Variants in FMNL2 observed in about 807,000 individuals in gnomAD.
FMNL2 encodes the protein formin like 2.
In FMNL2, 51 loss-of-function variants were observed where a neutral mutation model predicts 130.2. The ratio of observed to expected loss-of-function variants is 0.39; its 90% confidence interval spans 0.31 to 0.49. The LOEUF is 0.49. Among genes scored for constraint, FMNL2 ranks in the 20% least tolerant of loss-of-function variants. The pLI is 0.85. For missense variants in FMNL2, 977 were observed against 1,316.2 expected, an observed-to-expected ratio of 0.74 and a Z score of 3.99; for synonymous variants, 465 against 467.1, an observed-to-expected ratio of 1.00 and a Z score of 0.06.
chr2:152,600,829 G>T (rs187047390), intron 9 of FMNL2, among the ~76,000 whole-genome samples: 32 of 152,074 alleles, frequency 2.1e-4, no homozygotes, highest in African/African-American at 7.7e-4. Flanking sequence ...ATCTGTGCAG[G>T]GTATGGGATT....
intron 2 of FMNL2, among the ~76,000 whole-genome samples, chr2:152,535,730 A>G (rs928556394): frequency 3.9e-5 from 6 of 152,356 alleles, no homozygotes; most frequent in Admixed American, 6.5e-5. Context: ...CCCTCTAAAT[A>G]GTAGCCCAGC....
At chr2:152,589,272 A>G (rs1289353747) in intron 9 of FMNL2, among the ~76,000 whole-genome samples, 1 of 152,124 alleles carries the variant, frequency 6.6e-6, no homozygotes, top group Non-Finnish European at 1.5e-5. Context: ...TGCAATAGGG[A>G]ACCTCATCCT....
In FMNL2 at chr2:152,396,165, C is replaced by T. The variant is rs114198356; in HGVS notation, c.117+60445C>T. ...TCTCCTTTATTTTAGTGTCTTAGAA[C>T]TCAGCTAAGCATTTGAACAGTCATT... On this transcript the variant is annotated intron_variant, in intron 1 of 25. Transcript: ENST00000288670. 2.6e-3 allele frequency among the ~76,000 whole-genome samples: 390 copies of T among 152,264 alleles called. 1 individual carries two copies. Among genetic ancestry groups the T allele is most frequent in the African/African-American group, 9.1e-3 (380 of 41,536 alleles).
chr2:152,353,982 C>T (rs1355311703), intron 1 of FMNL2, among the ~76,000 whole-genome samples: 1 of 152,182 alleles, frequency 6.6e-6, no homozygotes, highest in Non-Finnish European at 1.5e-5. Context: ...TACTGACCTT[C>T]TGTGATACAT....
intron 9 of FMNL2, among the ~76,000 whole-genome samples, chr2:152,582,615 T>G (rs1696856030): frequency 6.6e-6 from 1 of 152,214 alleles, no homozygotes; most frequent in Non-Finnish European, 1.5e-5. Context: ...AAATAGATTT[T>G]AGAGACAAGA....
chr2:152,338,018 CTTG>C (rs532824162), intron 1 of FMNL2, among the ~76,000 whole-genome samples: 41 of 141,568 alleles, frequency 2.9e-4, no homozygotes, highest in Non-Finnish European at 5.4e-4. Flanking sequence ...GGTGATTTCT[CTTG>C]TTTTTTTTTT....
chr2:152,430,680 C>T (rs993083702), intron 1 of FMNL2, among the ~76,000 whole-genome samples: 1 of 152,152 alleles, frequency 6.6e-6, no homozygotes, highest in Non-Finnish European at 1.5e-5. Flanking sequence ...CGAGACCACT[C>T]TGGGCAACAT....
At chr2:152,599,437 T>TTTTTTTA (rs1553484499) in intron 9 of FMNL2, among the ~76,000 whole-genome samples, 3 of 132,246 alleles carry the variant, frequency 2.3e-5, no homozygotes, top group Admixed American at 8.3e-5. Context: ...TTTTTTTTTT[T>TTTTTTTA]AGAGAGGTAG....
chr2:152,440,392 A>G (rs780687141), intron 1 of FMNL2, among the ~76,000 whole-genome samples: 2 of 152,206 alleles, frequency 1.3e-5, no homozygotes, highest in African/African-American at 2.4e-5. Flanking sequence ...AAAATCTCAC[A>G]GTTGTCAGTA....
At chr2:152,405,071 C>A (rs1196467303) in intron 1 of FMNL2, among the ~76,000 whole-genome samples, 1 of 152,198 alleles carries the variant, frequency 6.6e-6, no homozygotes, top group Non-Finnish European at 1.5e-5. Flanking sequence ...AGAAAGGATA[C>A]ATGCTTGGGA....
chr2:152,529,089 A>T (rs572384008), intron 2 of FMNL2, among the ~76,000 whole-genome samples: 9 of 152,288 alleles, frequency 5.9e-5, no homozygotes, highest in African/African-American at 1.7e-4. Flanking sequence ...CTCTGCCACG[A>T]TTACCAATTT....
chr2:152,590,355 C>T (rs771578594), intron 9 of FMNL2, among the ~76,000 whole-genome samples: 3 of 152,078 alleles, frequency 2.0e-5, no homozygotes, highest in Non-Finnish European at 4.4e-5. Context: ...GTGTGGCTCA[C>T]GCCTGTAATC....
intron 9 of FMNL2, among the ~76,000 whole-genome samples, chr2:152,591,992 A>G (rs1228234355): frequency 1.3e-5 from 2 of 152,014 alleles, no homozygotes; most frequent in Non-Finnish European, 2.9e-5. Flanking sequence ...AGTCCCAGCT[A>G]CTCAGGAGGC....
At chr2:152,589,942 T>TACATATAC (rs1348976625) in intron 9 of FMNL2, among the ~76,000 whole-genome samples, 2 of 9,544 alleles carry the variant, frequency 2.1e-4, no homozygotes, top group Non-Finnish European at 2.0e-4. Context: ...GCTTTATACA[T>TACATATAC]ATATATATAT....
intron 1 of FMNL2, among the ~76,000 whole-genome samples, chr2:152,369,547 G>T (rs1683754806): frequency 6.6e-6 from 1 of 152,204 alleles, no homozygotes; most frequent in South Asian, 2.1e-4. Context: ...TGTGGGTCTG[G>T]TAAGGCTGTT....
intron 1 of FMNL2, among the ~76,000 whole-genome samples, chr2:152,346,890 G>C (rs1000538595): frequency 6.6e-6 from 1 of 151,918 alleles, no homozygotes; most frequent in African/African-American, 2.4e-5. Context: ...AGGAGTTCGA[G>C]ACCAGCCTGG....
At chr2:152,412,412 G>A (rs375618186) in intron 1 of FMNL2, among the ~76,000 whole-genome samples, 3 of 132,096 alleles carry the variant, frequency 2.3e-5, no homozygotes, top group African/African-American at 9.2e-5. Context: ...TCTCCCTTCA[G>A]TCTTATATTT....
At chr2:152,436,569 A>G (rs1687777863) in intron 1 of FMNL2, among the ~76,000 whole-genome samples, 1 of 152,082 alleles carries the variant, frequency 6.6e-6, no homozygotes, top group Non-Finnish European at 1.5e-5. Flanking sequence ...TGGGTTGCAT[A>G]TTTCTCTCTT....
At chr2:152,528,530 G>A (rs1041536752) in intron 2 of FMNL2, among the ~76,000 whole-genome samples, 4 of 152,000 alleles carry the variant, frequency 2.6e-5, no homozygotes, top group Admixed American at 1.3e-4. Context: ...CCTTCTCCTC[G>A]TCTCTGTGTC....
Sources: allele counts gnomAD v4.1 joint callset (sites outside exome capture counted in the v4.1 genomes callset), GRCh38; gene constraint gnomAD v4.1.1; transcripts MANE v1.5; gene names NCBI Gene and HGNC (gene_info 2026-07-23, HGNC 2026-07-21).